FBXW7: variants seen among roughly 807,000 people sequenced by gnomAD.
FBXW7 encodes F-box/WD repeat-containing protein 7.
A neutral mutation model predicts 86.3 loss-of-function variants in FBXW7; 11 were observed. The observed-to-expected ratio is 0.13, with a 90% confidence interval of 0.08 to 0.21. The LOEUF is 0.21. FBXW7 is among the 10% of genes least tolerant of loss of function. The probability of loss-of-function intolerance (pLI) is 1.00; values close to 1 mark genes in which losing one functional copy is unlikely to be tolerated. For synonymous variants in FBXW7, 313 were observed against 297.9 expected, an observed-to-expected ratio of 1.05 and a Z score of -0.52; for missense variants, 488 against 847.4, an observed-to-expected ratio of 0.58 and a Z score of 5.27.
chr4:152,443,547 G>A (rs562254007), intron 2 of FBXW7, among the ~76,000 whole-genome samples: 1 of 152,166 alleles, frequency 6.6e-6, no homozygotes, highest in Non-Finnish European at 1.5e-5. Context: ...GCTTAACGTG[G>A]CTACCCAACT....
At chr4:152,344,871 A>C (rs1731102802) in intron 6 of FBXW7, among the ~76,000 whole-genome samples, 1 of 152,206 alleles carries the variant, frequency 6.6e-6, no homozygotes, top group Non-Finnish European at 1.5e-5. Flanking sequence ...CTACCTTCTG[A>C]AAAGAAATAA....
At chr4:152,403,904 T>C (rs1359125000) in intron 4 of FBXW7, among the ~76,000 whole-genome samples, 1 of 152,124 alleles carries the variant, frequency 6.6e-6, no homozygotes, top group Non-Finnish European at 1.5e-5. Flanking sequence ...ATATTCATGT[T>C]TAGAGAGAGC....
rs563825897 is a variant in FBXW7 at position 152,321,438 on chromosome 4, C to CA, written c.*1442dup. 1.2e-4 allele frequency: 29 copies of CA among 232,510 alleles called. No homozygotes were observed. The highest frequency in any genetic ancestry group is 2.0e-4 in the Non-Finnish European group (24 of 117,506). 14.4% of individuals were successfully genotyped at this position (232,510 alleles called of 1,614,324 possible). Reference sequence around the variant, plus strand: ...TAAATCAGACTATAAATAAAACAAACAAAAAAATAAACAGAAGGAGGAAAA... The same window carrying CA: ...TAAATCAGACTATAAATAAAACAAACAAAAAAAATAAACAGAAGGAGGAAAA... On this transcript the variant is annotated 3_prime_UTR_variant, in exon 14 of 14. Transcript: ENST00000281708.
At chr4:152,382,264 AG>A in intron 4 of FBXW7, 1 of 1,606,248 alleles carries the variant, frequency 6.2e-7, no homozygotes, top group South Asian at 1.1e-5. Context: ...GATGTGGTAG[AG>A]GCTCTTTTGC....
At chr4:152,397,709 A>G (rs1424736017) in intron 4 of FBXW7, among the ~76,000 whole-genome samples, 1 of 150,622 alleles carries the variant, frequency 6.6e-6, no homozygotes, top group Admixed American at 6.6e-5. Flanking sequence ...AAAAAAAAAA[A>G]AAAAAAAAAA....
chr4:152,447,966 T>C (rs906351970), intron 2 of FBXW7, among the ~76,000 whole-genome samples: 4 of 152,208 alleles, frequency 2.6e-5, no homozygotes, highest in African/African-American at 9.6e-5. Flanking sequence ...GCTAGGAATA[T>C]GGAGCAGAAA....
chr4:152,357,325 C>CT lies in FBXW7; in HGVS notation c.502-7202dup, dbSNP rs398064144. ...ATAATTACAGAAGTAGTAGTTTTTT[C>CT]TTTTTTTTTTTTAAAGACATAGTCA... is the stretch of plus-strand genomic sequence containing the variant. On this transcript the variant is annotated intron_variant, in intron 4 of 13. Coordinates refer to ENST00000281708, the MANE Select transcript of FBXW7 (RefSeq NM_001349798.2). Among the ~76,000 whole-genome samples, 342 of 139,208 alleles carry CT rather than the reference C, an allele frequency of 2.5e-3. 1 individual carries two copies. The highest frequency in any genetic ancestry group is 4.9e-3 in the African/African-American group (180 of 36,530). The allele number at this position is 139,208 out of a possible 152,430, so 91.3% of individuals were successfully genotyped here.
chr4:152,439,437 C>T (rs776568852), intron 2 of FBXW7, among the ~76,000 whole-genome samples: 8 of 151,490 alleles, frequency 5.3e-5, no homozygotes, highest in Non-Finnish European at 1.2e-4. Context: ...GTACTGGTTT[C>T]GTTACTACAG....
At chr4:152,435,758 T>C (rs1740327389) in intron 2 of FBXW7, among the ~76,000 whole-genome samples, 1 of 152,240 alleles carries the variant, frequency 6.6e-6, no homozygotes, top group Non-Finnish European at 1.5e-5. Flanking sequence ...AATTGGAAGT[T>C]TGTGGCAATC....
intron 4 of FBXW7, among the ~76,000 whole-genome samples, chr4:152,371,166 C>A (rs1733970571): frequency 6.6e-6 from 1 of 151,758 alleles, no homozygotes; most frequent in African/African-American, 2.4e-5. Flanking sequence ...TAAATTATAT[C>A]TACTGTTATT....
chr4:152,455,738 C>T (rs1443823937), intron 2 of FBXW7, among the ~76,000 whole-genome samples: 1 of 152,156 alleles, frequency 6.6e-6, no homozygotes, highest in African/African-American at 2.4e-5. Context: ...TTTATTATCT[C>T]ATGGCCTTAG....
intron 2 of FBXW7, among the ~76,000 whole-genome samples, chr4:152,445,146 C>T (rs756144474): frequency 4.6e-4 from 70 of 152,136 alleles, no homozygotes; most frequent in Non-Finnish European, 6.0e-4. Context: ...CTTTGGAAAA[C>T]ATTACTCCAA....
rs369258930 is a variant in FBXW7, at chr4:152,484,961, CA to C, written c.-120+49979del. Among the ~76,000 whole-genome samples the C allele has an allele frequency of 5.5e-3, 570 of 102,960 alleles. 1 individual carries two copies. Among genetic ancestry groups the C allele is most frequent in the Middle Eastern group, 9.5e-3 (2 of 210 alleles). The allele number at this position is 102,960 out of a possible 152,430, so 67.5% of individuals were successfully genotyped here. ...TGGGTGACAGAGCGAGACTCTGTCT[CA>C]AAAAAAAAAAAAAAAAGTATAAAGC... On this transcript the variant is annotated intron_variant, in intron 2 of 13. Coordinates refer to ENST00000281708, the MANE Select transcript of FBXW7 (RefSeq NM_001349798.2).
At chr4:152,455,400 T>A (rs1742312588) in intron 2 of FBXW7, among the ~76,000 whole-genome samples, 1 of 152,194 alleles carries the variant, frequency 6.6e-6, no homozygotes, top group Non-Finnish European at 1.5e-5. Context: ...GCAGCACCTT[T>A]AATGTTCACA....
rs1489218826 is a variant in FBXW7, at chr4:152,356,119, C to G, written c.502-5995G>C. Among the ~76,000 whole-genome samples the G allele has an allele frequency of 3.3e-5, 5 of 152,168 alleles. No homozygotes were observed. In the East Asian group the frequency reaches 9.6e-4, roughly 29 times the overall value. On this transcript the variant is annotated intron_variant, in intron 4 of 13. Coordinates refer to ENST00000281708, the MANE Select transcript of FBXW7 (RefSeq NM_001349798.2). Reference sequence around the variant, plus strand: ...ACTCTCAAGAGTTCATTATTTCCGTCTTATATATAGTTCTATTACTGCAGT... The same window carrying G: ...ACTCTCAAGAGTTCATTATTTCCGTGTTATATATAGTTCTATTACTGCAGT...
chr4:152,332,684 T>G lies in FBXW7; in HGVS notation c.897A>C (p.Lys299Asn). ...ALYVLSFLEP[K>N]DLLQAAQTCR... ...ATGTCTGAGCTGCTTGTAGCAGGTC[T>G]TTGGGTTCCAGGAATGAAAGCACAT... The change falls in exon 8 of 14, where the codon AAA becomes AAC. Residue 299 changes from lysine to asparagine, a missense_variant. This residue lies in a region of FBXW7 where 59 missense variants were observed against 137.9 expected (regional missense o/e 0.43). Transcript: ENST00000281708. 6.3e-7 allele frequency: 1 copy of G among 1,599,924 alleles called. No individual in the cohort carries two copies. Among genetic ancestry groups the G allele is most frequent in the Non-Finnish European group, 8.5e-7 (1 of 1,171,064 alleles).
At chr4:152,430,365 T>TA (rs146069644) in intron 2 of FBXW7, among the ~76,000 whole-genome samples, 2,081 of 152,296 alleles carry the variant, frequency 0.014, 26 homozygotes, top group Middle Eastern at 0.037. Flanking sequence ...TGTCCAGAAA[T>TA]ACTGTTCTAT....
intron 2 of FBXW7, among the ~76,000 whole-genome samples, chr4:152,486,232 A>G (rs1745327540): frequency 6.6e-6 from 1 of 152,190 alleles, no homozygotes; most frequent in Admixed American, 6.6e-5. Context: ...GTGAAGGCCT[A>G]GGTCGTTACT....
At chr4:152,478,605 C>A (rs888810435) in intron 2 of FBXW7, among the ~76,000 whole-genome samples, 6 of 152,024 alleles carry the variant, frequency 3.9e-5, no homozygotes, top group African/African-American at 1.4e-4. Context: ...TTGGATGATA[C>A]AATCATTCTA....
Sources: gnomAD v4.1 joint callset for allele counts (sites outside exome capture counted in the v4.1 genomes callset) on GRCh38, gnomAD v4.1.1 for gene constraint, gnomAD v4.1.1 regional missense constraint, MANE v1.5 for transcripts, NCBI Gene and HGNC (gene_info 2026-07-23, HGNC 2026-07-21) for gene names.